Variants in MCC observed in about 807,000 individuals in gnomAD.
MCC encodes MCC regulator of Wnt signaling pathway, also known as colorectal mutant cancer protein.
A neutral mutation model predicts 116.2 loss-of-function variants in MCC; 90 were observed. The ratio of observed to expected loss-of-function variants is 0.77; its 90% confidence interval spans 0.65 to 0.92. MCC has a LOEUF of 0.92. Among genes scored for constraint, MCC ranks in the 40% least tolerant of loss-of-function variants. The pLI is 0.00. For synonymous variants in MCC, 578 were observed against 510.5 expected, an observed-to-expected ratio of 1.13 and a Z score of -1.78; for missense variants, 1,516 against 1,312.2, an observed-to-expected ratio of 1.16 and a Z score of -2.40.
intron 3 of MCC, among the ~76,000 whole-genome samples, chr5:113,205,209 GC>G (rs1210344742): frequency 3.9e-5 from 6 of 152,188 alleles, no homozygotes; most frequent in African/African-American, 9.7e-5. Flanking sequence ...CACAGGAAGG[GC>G]TGATGCAGTG....
At chr5:113,456,863 C>A (rs1771566526) in intron 1 of MCC, among the ~76,000 whole-genome samples, 1 of 151,834 alleles carries the variant, frequency 6.6e-6, no homozygotes, top group Admixed American at 6.6e-5. Context: ...TGTCAGTGCT[C>A]AAAAAGTTTT....
At chr5:113,356,205 G>A (rs1332185393) in intron 2 of MCC, among the ~76,000 whole-genome samples, 1 of 151,604 alleles carries the variant, frequency 6.6e-6, no homozygotes, top group Non-Finnish European at 1.5e-5. Context: ...CGAGTAGCCT[G>A]GCTAAGTTTT....
At chr5:113,287,532 G>A (rs192738671) in intron 3 of MCC, among the ~76,000 whole-genome samples, 15 of 152,136 alleles carry the variant, frequency 9.9e-5, no homozygotes, top group Middle Eastern at 6.8e-3. Flanking sequence ...TCACCATCTT[G>A]GCCAGGCTGG....
At chr5:113,110,239 G>A (rs1581082382) in intron 6 of MCC, among the ~76,000 whole-genome samples, 1 of 152,318 alleles carries the variant, frequency 6.6e-6, no homozygotes, top group East Asian at 1.9e-4. Flanking sequence ...ATTTGAGGTT[G>A]CTTATCACAA....
intron 1 of MCC, among the ~76,000 whole-genome samples, chr5:113,475,963 G>A (rs1168534258): frequency 6.6e-6 from 1 of 152,132 alleles, no homozygotes; most frequent in Non-Finnish European, 1.5e-5. Flanking sequence ...TGCATGGTCT[G>A]ATTGTAAACT....
intron 1 of MCC, among the ~76,000 whole-genome samples, chr5:113,394,290 CT>C (rs1769472974): frequency 6.6e-6 from 1 of 152,114 alleles, no homozygotes; most frequent in South Asian, 2.1e-4. Flanking sequence ...CTGATCATCC[CT>C]ACCTCTCAAC....
intron 3 of MCC, among the ~76,000 whole-genome samples, chr5:113,313,273 G>A (rs1767182821): frequency 6.6e-6 from 1 of 152,168 alleles, no homozygotes; most frequent in South Asian, 2.1e-4. Context: ...CTTGAACCCA[G>A]GAGGCGGAGG....
intron 14 of MCC, among the ~76,000 whole-genome samples, chr5:113,057,886 G>T (rs968418188): frequency 2.0e-5 from 3 of 152,252 alleles, no homozygotes; most frequent in Non-Finnish European, 4.4e-5. Context: ...AGGGCTGAGG[G>T]TGGAGATGTG....
intron 1 of MCC, among the ~76,000 whole-genome samples, chr5:113,427,065 G>T (rs1287162352): frequency 6.6e-6 from 1 of 152,068 alleles, no homozygotes; most frequent in African/African-American, 2.4e-5. Context: ...TATGTTGCAG[G>T]TGGGGACTCT....
chr5:113,472,606 T>G (rs1772123771), intron 1 of MCC, among the ~76,000 whole-genome samples: 1 of 152,244 alleles, frequency 6.6e-6, no homozygotes, highest in Non-Finnish European at 1.5e-5. Flanking sequence ...TATCAAATTC[T>G]GTAAGTATGG....
chr5:113,064,880 C>T (rs937800918), intron 13 of MCC, among the ~76,000 whole-genome samples: 1 of 152,128 alleles, frequency 6.6e-6, no homozygotes, highest in Non-Finnish European at 1.5e-5. Flanking sequence ...CTGGAAAAGA[C>T]AGAACTATAG....
Position 113,151,082 on chromosome 5 carries a change from C to T in MCC, c.741+227G>A, listed in dbSNP as rs139409060. On this transcript the variant is annotated intron_variant, in intron 4 of 18. Coordinates refer to ENST00000408903, the MANE Select transcript of MCC (RefSeq NM_001085377.2). ...AGGTAGCCATTCGGAAGGAATCCCT[C>T]GGTAGGCACCTTGGACTTCGTAGCT... is the stretch of plus-strand genomic sequence containing the variant. Among the ~76,000 whole-genome samples, 24 of 152,234 alleles carry T rather than the reference C, an allele frequency of 1.6e-4. No individual in the cohort carries two copies. In the East Asian group the frequency reaches 4.3e-3, roughly 27 times the overall value.
chr5:113,226,477 A>G (rs1017359885), intron 3 of MCC, among the ~76,000 whole-genome samples: 2 of 152,268 alleles, frequency 1.3e-5, no homozygotes, highest in Admixed American at 6.5e-5. Flanking sequence ...CACCCACGCA[A>G]AGAACAAAAT....
In MCC at chr5:113,249,571, T is replaced by C. The variant is rs1702858459; in HGVS notation, c.627+90948A>G. ...TCAGCTGCTGTTCCATTAGTTAATA[T>C]TTTCTCTTCTGTGCCTCTTCTCTCC... On this transcript the variant is annotated intron_variant, in intron 3 of 18. Coordinates refer to ENST00000408903, the MANE Select transcript of MCC (RefSeq NM_001085377.2). Among the ~76,000 whole-genome samples the C allele has an allele frequency of 2.6e-5, 4 of 152,192 alleles. No homozygotes were observed. The South Asian group carries it at 8.3e-4, about 32-fold the overall frequency.
At chr5:113,092,723 G>A (rs1029818459) in intron 8 of MCC, among the ~76,000 whole-genome samples, 12 of 152,214 alleles carry the variant, frequency 7.9e-5, no homozygotes, top group Admixed American at 6.5e-4. Flanking sequence ...TGACACTGAC[G>A]TAGGTGGTGA....
intron 3 of MCC, among the ~76,000 whole-genome samples, chr5:113,245,401 CTGTT>C (rs1339327204): frequency 1.3e-5 from 2 of 151,728 alleles, no homozygotes; most frequent in Non-Finnish European, 2.9e-5. Flanking sequence ...TCCAAGTCAT[CTGTT>C]TTTTTTTAAC....
chr5:113,487,222 G>C (rs1424508492), intron 1 of MCC, among the ~76,000 whole-genome samples: 2 of 150,522 alleles, frequency 1.3e-5, no homozygotes, highest in Admixed American at 6.6e-5. Context: ...GGTAGGCAGG[G>C]ACAATCAGGA....
At chr5:113,316,931 G>A (rs144088781) in intron 3 of MCC, among the ~76,000 whole-genome samples, 1 of 152,304 alleles carries the variant, frequency 6.6e-6, no homozygotes, top group East Asian at 1.9e-4. Flanking sequence ...TGAAACAGAT[G>A]CAAAAGTATG....
chr5:113,285,775 T>A (rs1401662516), intron 3 of MCC, among the ~76,000 whole-genome samples: 1 of 152,202 alleles, frequency 6.6e-6, no homozygotes, highest in African/African-American at 2.4e-5. Context: ...TGTCTATGTA[T>A]CTGTGTAGGA....
Sources: gnomAD v4.1 joint callset for allele counts (sites outside exome capture counted in the v4.1 genomes callset) on GRCh38, gnomAD v4.1.1 for gene constraint, MANE v1.5 for transcripts, NCBI Gene and HGNC (gene_info 2026-07-23, HGNC 2026-07-21) for gene names.